ZBTB20: variants seen among roughly 807,000 people sequenced by gnomAD.
ZBTB20 encodes the protein zinc finger and BTB domain containing 20.
Under a neutral mutation model 56.9 loss-of-function variants are expected in ZBTB20, and 9 were observed. The ratio of observed to expected loss-of-function variants is 0.16; its 90% CI spans 0.10 to 0.28. The LOEUF (loss-of-function observed/expected upper bound fraction) is 0.28. ZBTB20 is among the 10% of genes least tolerant of loss of function. ZBTB20 has a pLI of 1.00. For synonymous variants in ZBTB20, 417 were observed against 420.7 expected (o/e 0.99, Z 0.11); for missense variants, 655 against 1,003.0 (o/e 0.65, Z 4.69).
chr3:114,656,025 T>G (rs1203101254), intron 6 of ZBTB20, among the ~76,000 whole-genome samples: 1 of 152,228 alleles, frequency 6.6e-6, no homozygotes, highest in Non-Finnish European at 1.5e-5. Context: ...GGAATTCCAC[T>G]GACAACAGAA....
At chr3:114,692,491 G>A (rs1469400861) in intron 6 of ZBTB20, among the ~76,000 whole-genome samples, 1 of 152,062 alleles carries the variant, frequency 6.6e-6, no homozygotes, top group East Asian at 1.9e-4. Flanking sequence ...GTTTATGCAC[G>A]TTCATATAAA....
chr3:114,470,636 A>C (rs2040018718), intron 7 of ZBTB20, among the ~76,000 whole-genome samples: 1 of 152,178 alleles, frequency 6.6e-6, no homozygotes, highest in Non-Finnish European at 1.5e-5. Context: ...ACTCAAATAA[A>C]TTTAATGCTT....
intron 1 of ZBTB20, among the ~76,000 whole-genome samples, chr3:115,107,873 C>T (rs1465766669): frequency 2.0e-5 from 3 of 152,150 alleles, no homozygotes; most frequent in Non-Finnish European, 4.4e-5. Context: ...ACATAATCCT[C>T]AGCAAACTAA....
chr3:114,645,616 T>C (rs1248138828), intron 6 of ZBTB20, among the ~76,000 whole-genome samples: 1 of 152,216 alleles, frequency 6.6e-6, no homozygotes, highest in Admixed American at 6.5e-5. Flanking sequence ...TTGGTATTAC[T>C]ATTGGATTTT....
intron 2 of ZBTB20, among the ~76,000 whole-genome samples, chr3:115,026,026 T>C (rs1348143505): frequency 6.6e-6 from 1 of 151,002 alleles, no homozygotes; most frequent in Non-Finnish European, 1.5e-5. Context: ...CTTGGATTAA[T>C]AGAAAAACAC....
intron 2 of ZBTB20, among the ~76,000 whole-genome samples, chr3:114,978,605 A>T (rs915181040): frequency 1.3e-4 from 20 of 151,770 alleles, no homozygotes; most frequent in Non-Finnish European, 5.9e-5. Context: ...TATATAATAT[A>T]AATACAGACT....
chr3:114,613,150 G>A (rs1406605322), intron 6 of ZBTB20, among the ~76,000 whole-genome samples: 1 of 152,168 alleles, frequency 6.6e-6, no homozygotes, highest in Non-Finnish European at 1.5e-5. Flanking sequence ...AAAAGATGAA[G>A]CAGATAGGAG....
At chr3:115,025,943 C>T (rs750262944) in intron 2 of ZBTB20, among the ~76,000 whole-genome samples, 1 of 150,230 alleles carries the variant, frequency 6.7e-6, no homozygotes, top group Non-Finnish European at 1.5e-5. Context: ...TACTAAAATA[C>T]AGTACTAAAA....
At chr3:115,054,133 GA>G (rs1156581919) in intron 2 of ZBTB20, among the ~76,000 whole-genome samples, 2 of 151,994 alleles carry the variant, frequency 1.3e-5, no homozygotes, top group African/African-American at 4.8e-5. Flanking sequence ...ACCCAAGACA[GA>G]AAGCCTATGA....
chr3:114,569,931 T>C (rs892969306), intron 6 of ZBTB20, among the ~76,000 whole-genome samples: 6 of 152,126 alleles, frequency 3.9e-5, no homozygotes, highest in African/African-American at 1.4e-4. Context: ...ATAAAAGTAG[T>C]ATAGAAAAAA....
intron 6 of ZBTB20, among the ~76,000 whole-genome samples, chr3:114,631,747 C>A (rs2058967588): frequency 1.3e-5 from 2 of 152,176 alleles, no homozygotes; most frequent in East Asian, 1.9e-4. Context: ...TCTTATGATT[C>A]TGGTCCTATA....
intron 1 of ZBTB20, among the ~76,000 whole-genome samples, chr3:115,091,594 G>A (rs2083194205): frequency 6.6e-6 from 1 of 151,732 alleles, no homozygotes; most frequent in African/African-American, 2.4e-5. Context: ...ATAAAGGGAT[G>A]TTTAGGCAGG....
chr3:114,850,604 C>A (rs9882894), intron 4 of ZBTB20, among the ~76,000 whole-genome samples: 2 of 152,072 alleles, frequency 1.3e-5, no homozygotes, highest in African/African-American at 2.4e-5. Flanking sequence ...GTAACTTACC[C>A]AAGGCCCTGC....
At chr3:115,146,892 C>T (rs143119184) in intron 1 of ZBTB20, among the ~76,000 whole-genome samples, 3,585 of 151,862 alleles carry the variant, frequency 0.024, 42 homozygotes, top group South Asian at 0.05. Flanking sequence ...CCGCCCGCCC[C>T]GCCACCCTTC....
chr3:114,635,635 C>G (rs1386516557), intron 6 of ZBTB20, among the ~76,000 whole-genome samples: 1 of 151,708 alleles, frequency 6.6e-6, no homozygotes, highest in African/African-American at 2.4e-5. Context: ...ATTACTGAAG[C>G]TGGAGAATAC....
chr3:114,405,276 A>G (rs77697475), intron 7 of ZBTB20, among the ~76,000 whole-genome samples: 1 of 152,296 alleles, frequency 6.6e-6, no homozygotes, highest in African/African-American at 2.4e-5. Flanking sequence ...ACAGTGTCAT[A>G]AAGTTTAATT....
intron 6 of ZBTB20, among the ~76,000 whole-genome samples, chr3:114,671,709 C>T (rs1044251868): frequency 1.3e-5 from 2 of 151,678 alleles, no homozygotes; most frequent in Admixed American, 1.3e-4. Context: ...AATTCAGAGG[C>T]AGAAGATAAT....
intron 1 of ZBTB20, among the ~76,000 whole-genome samples, chr3:115,080,234 C>T (rs559536435): frequency 1.4e-4 from 22 of 152,092 alleles, no homozygotes; most frequent in Non-Finnish European, 2.9e-4. Context: ...AGGTCTTCAC[C>T]AGAACTCAAC....
chr3:114,353,887 A>G (rs1218521216), intron 10 of ZBTB20, among the ~76,000 whole-genome samples: 1 of 152,208 alleles, frequency 6.6e-6, no homozygotes, highest in Non-Finnish European at 1.5e-5. Flanking sequence ...TCAAGTACAC[A>G]CAGGCAATTG....
Sources: gnomAD v4.1 joint callset for allele counts (sites outside exome capture counted in the v4.1 genomes callset) on GRCh38, gnomAD v4.1.1 for gene constraint, MANE v1.5 for transcripts, NCBI Gene and HGNC (gene_info 2026-07-23, HGNC 2026-07-21) for gene names.